Variants in ANXA4 observed in about 807,000 individuals in gnomAD.
ANXA4 encodes 35-beta calcimedin.
In ANXA4, 39 loss-of-function variants were observed where a neutral mutation model predicts 49.8. That is an observed-to-expected ratio of 0.78 (90% CI 0.61 to 1.02). The LOEUF is 1.02. ANXA4 is among the 50% of genes least tolerant of loss of function. ANXA4 has a pLI of 0.00. For missense variants in ANXA4, 360 were observed against 410.1 expected, an observed-to-expected ratio of 0.88 and a Z score of 1.05; for synonymous variants, 134 against 152.5, an observed-to-expected ratio of 0.88 and a Z score of 0.89.
intron 1 of ANXA4, among the ~76,000 whole-genome samples, chr2:69,779,892 G>A (rs986815032): frequency 1.1e-4 from 17 of 152,158 alleles, no homozygotes; most frequent in African/African-American, 4.1e-4. Flanking sequence ...CTCAGGGTGT[G>A]TCCCAGGACT....
chr2:69,692,293 G>T (rs1678003968), intron 2 of ANXA4, among the ~76,000 whole-genome samples: 1 of 152,218 alleles, frequency 6.6e-6, no homozygotes, highest in Admixed American at 6.5e-5. Context: ...ATGATGATAT[G>T]CATTATGCAA....
At chr2:69,771,311 C>CA (rs1173966015) in intron 1 of ANXA4, among the ~76,000 whole-genome samples, 1 of 152,058 alleles carries the variant, frequency 6.6e-6, no homozygotes, top group African/African-American at 2.4e-5. Flanking sequence ...TCACCCTTTC[C>CA]GTAGGACAGG....
chr2:69,688,205 A>G (rs1677856892), intron 2 of ANXA4, among the ~76,000 whole-genome samples: 1 of 152,208 alleles, frequency 6.6e-6, no homozygotes, highest in Admixed American at 6.5e-5. Flanking sequence ...TCCCAGTCTG[A>G]ATTTTTAAAA....
chr2:69,698,060 G>A (rs984129109), intron 2 of ANXA4, among the ~76,000 whole-genome samples: 2 of 152,114 alleles, frequency 1.3e-5, no homozygotes, highest in South Asian at 2.1e-4. Context: ...TCTGGAGGCC[G>A]AGAAGTCCAG....
exon 2 of ANXA4, chr2:69,653,022 C>T (rs1676309354): frequency 6.6e-6 from 1 of 152,158 alleles, no homozygotes; most frequent in Non-Finnish European, 1.5e-5. Context: ...GTTGGATGCC[C>T]CTGTGTCACA....
intron 3 of ANXA4, among the ~76,000 whole-genome samples, chr2:69,730,512 A>C (rs1462268506): frequency 6.6e-6 from 1 of 152,186 alleles, no homozygotes; most frequent in Non-Finnish European, 1.5e-5. Context: ...TAACAACAAC[A>C]ACATCCAGGA....
intron 2 of ANXA4, among the ~76,000 whole-genome samples, chr2:69,678,719 C>T (rs533517465): frequency 6.6e-6 from 1 of 152,116 alleles, no homozygotes; most frequent in South Asian, 2.1e-4. Context: ...TTTCTACTTT[C>T]AACAGAAATA....
At chr2:69,819,823 T>C (rs1674154422) in intron 11 of ANXA4, among the ~76,000 whole-genome samples, 1 of 151,998 alleles carries the variant, frequency 6.6e-6, no homozygotes, top group African/African-American at 2.4e-5. Flanking sequence ...ATCCCAGCAC[T>C]TTGGGAGGCT....
At chr2:69,673,687 G>GACACACAA (rs1211660000) in intron 2 of ANXA4, among the ~76,000 whole-genome samples, 2 of 139,128 alleles carry the variant, frequency 1.4e-5, no homozygotes, top group African/African-American at 5.4e-5. Flanking sequence ...TTTTTTCAAA[G>GACACACAA]ACACACACAC....
At chr2:69,750,525 A>T (rs915877688) in intron 1 of ANXA4, among the ~76,000 whole-genome samples, 10 of 152,138 alleles carry the variant, frequency 6.6e-5, no homozygotes, top group African/African-American at 1.4e-4. Flanking sequence ...TGACCCTTCC[A>T]CCTTAGCCTC....
chr2:69,752,505 C>A (rs954492700), intron 1 of ANXA4, among the ~76,000 whole-genome samples: 1 of 152,256 alleles, frequency 6.6e-6, no homozygotes, highest in Non-Finnish European at 1.5e-5. Flanking sequence ...CAATATTCAT[C>A]TTCGACATGG....
chr2:69,656,213 A>T (rs1188440628), intron 2 of ANXA4, among the ~76,000 whole-genome samples: 1 of 138,560 alleles, frequency 7.2e-6, no homozygotes, highest in Admixed American at 7.6e-5. Context: ...ATACACACAC[A>T]TATATATGTA....
At chr2:69,674,835 AT>A (rs1476870957) in intron 2 of ANXA4, among the ~76,000 whole-genome samples, 3 of 152,136 alleles carry the variant, frequency 2.0e-5, no homozygotes, top group African/African-American at 7.2e-5. Flanking sequence ...ACAATAAAAA[AT>A]AATTGATTCT....
chr2:69,793,096 G>A (rs534180751), intron 3 of ANXA4, among the ~76,000 whole-genome samples: 34 of 151,914 alleles, frequency 2.2e-4, no homozygotes, highest in South Asian at 4.2e-4. Flanking sequence ...TACTAAAAAT[G>A]CAAAAATTAG....
chr2:69,810,909 G>T (rs1673678761), intron 7 of ANXA4: 1 of 523,976 alleles, frequency 1.9e-6, no homozygotes, highest in Non-Finnish European at 3.5e-6. Flanking sequence ...AGGTCCCCCT[G>T]TCACTCAGTG....
intron 3 of ANXA4, among the ~76,000 whole-genome samples, chr2:69,803,991 C>T (rs903853672): frequency 3.3e-5 from 5 of 151,700 alleles, no homozygotes; most frequent in African/African-American, 1.2e-4. Context: ...CACAAAAATT[C>T]GCTGGGGGTG....
intron 3 of ANXA4, among the ~76,000 whole-genome samples, chr2:69,733,396 G>C (rs1670156259): frequency 6.6e-6 from 1 of 152,116 alleles, no homozygotes; most frequent in Non-Finnish European, 1.5e-5. Flanking sequence ...CTGAGCCCAG[G>C]AGTTTGAGAC....
chr2:69,726,214 A>G (rs1669959383), intron 3 of ANXA4, among the ~76,000 whole-genome samples: 1 of 151,984 alleles, frequency 6.6e-6, no homozygotes, highest in Non-Finnish European at 1.5e-5. Flanking sequence ...TAAAAGTGGC[A>G]CTTCCCCCCT....
At chr2:69,722,063 A>G (rs1304482236) in intron 3 of ANXA4, among the ~76,000 whole-genome samples, 1 of 152,214 alleles carries the variant, frequency 6.6e-6, no homozygotes, top group Non-Finnish European at 1.5e-5. Flanking sequence ...GATTAAATAA[A>G]AAAAAATGAC....
Sources: gnomAD v4.1 joint callset for allele counts (sites outside exome capture counted in the v4.1 genomes callset) on GRCh38, gnomAD v4.1.1 for gene constraint, MANE v1.5 for transcripts, NCBI Gene and HGNC (gene_info 2026-07-23, HGNC 2026-07-21) for gene names.